MEI4: variants seen among roughly 807,000 people sequenced by gnomAD.
MEI4 encodes the protein meiosis-specific protein MEI4.
MEI4 carries 27 observed loss-of-function variants against 31.4 expected under a neutral mutation model. The ratio of observed to expected loss-of-function variants is 0.86; its 90% CI spans 0.63 to 1.19. The LOEUF is 1.19. MEI4 is among the 50% of genes most tolerant of loss of function. The pLI, the probability that MEI4 is intolerant of heterozygous loss-of-function variation, is 0.00. For synonymous variants in MEI4, 122 were observed against 145.4 expected (o/e 0.84, Z 1.16); for missense variants, 329 against 398.9 (o/e 0.82, Z 1.49).
chr6:77,694,833 G>A (rs1272781988), intron 2 of MEI4, among the ~76,000 whole-genome samples: 43 of 151,138 alleles, frequency 2.8e-4, no homozygotes, highest in African/African-American at 6.1e-4. Context: ...CTGAGGAATC[G>A]CCACACTGAC....
rs192023634 is a variant in MEI4, at chr6:77,774,062, G to T, written c.768+12397G>T. On this transcript the variant is annotated intron_variant, in intron 3 of 4. Transcript: ENST00000684080. ...AAAAAAAGACCCTTGTACACTGTTG[G>T]TGTAAATGTAAATTAGTACAACCAC... is the stretch of plus-strand genomic sequence containing the variant. Among the ~76,000 whole-genome samples the T allele has an allele frequency of 4.3e-3, 651 of 152,176 alleles. 1 individual carries two copies. The highest frequency in any genetic ancestry group is 5.8e-3 in the Non-Finnish European group (391 of 67,982).
intron 4 of MEI4, among the ~76,000 whole-genome samples, chr6:77,867,285 G>A (rs1283520121): frequency 6.6e-6 from 1 of 152,118 alleles, no homozygotes; most frequent in African/African-American, 2.4e-5. Flanking sequence ...GAGTGAACAG[G>A]CAACCTACAG....
At chr6:77,865,703 G>A (rs559870393) in intron 4 of MEI4, among the ~76,000 whole-genome samples, 3 of 152,276 alleles carry the variant, frequency 2.0e-5, no homozygotes, top group African/African-American at 7.2e-5. Context: ...AATAGAAAAA[G>A]AGGGAATCCT....
chr6:77,919,160 T>A (rs1441981994), intron 4 of MEI4, among the ~76,000 whole-genome samples: 7 of 151,978 alleles, frequency 4.6e-5, no homozygotes, highest in Non-Finnish European at 1.0e-4. Context: ...AATAGACATC[T>A]ACAGAACTCT....
intron 4 of MEI4, among the ~76,000 whole-genome samples, chr6:77,922,392 C>A (rs1011484027): frequency 6.6e-6 from 1 of 151,716 alleles, no homozygotes; most frequent in Non-Finnish European, 1.5e-5. Context: ...CTGCTCACCT[C>A]ATAGGGCTTC....
At chr6:77,876,326 T>C (rs1368316414) in intron 4 of MEI4, among the ~76,000 whole-genome samples, 1 of 152,198 alleles carries the variant, frequency 6.6e-6, no homozygotes, top group Non-Finnish European at 1.5e-5. Flanking sequence ...GGATTCATGC[T>C]GTTATGGCAG....
intron 4 of MEI4, among the ~76,000 whole-genome samples, chr6:77,859,128 TGTTTCTGTGTTA>T (rs1770808003): frequency 6.6e-6 from 1 of 152,176 alleles, no homozygotes; most frequent in African/African-American, 2.4e-5. Flanking sequence ...TTTGGTTTTC[TGTTTCTGTGTTA>T]GTTTGCTGAG....
intron 1 of MEI4, among the ~76,000 whole-genome samples, chr6:77,680,965 A>G (rs1244992522): frequency 6.6e-6 from 1 of 152,220 alleles, no homozygotes; most frequent in Non-Finnish European, 1.5e-5. Context: ...AGAAGGCTTT[A>G]CATAATAGAA....
chr6:77,656,545 A>G (rs906101755), intron 1 of MEI4, among the ~76,000 whole-genome samples: 2 of 152,164 alleles, frequency 1.3e-5, no homozygotes, highest in South Asian at 4.1e-4. Flanking sequence ...AGTAGATTAA[A>G]TGTTCCTAAG....
chr6:77,893,611 T>C (rs1766016735), intron 4 of MEI4, among the ~76,000 whole-genome samples: 1 of 152,248 alleles, frequency 6.6e-6, no homozygotes. Context: ...CTTAGCACTG[T>C]GCTTGACTTA....
chr6:77,900,930 T>A (rs1471633413), intron 4 of MEI4, among the ~76,000 whole-genome samples: 2 of 151,970 alleles, frequency 1.3e-5, no homozygotes, highest in African/African-American at 4.8e-5. Flanking sequence ...GTTCAACTTT[T>A]TTAGTATCTA....
intron 4 of MEI4, among the ~76,000 whole-genome samples, chr6:77,849,907 G>A (rs1770575190): frequency 6.6e-6 from 1 of 152,086 alleles, no homozygotes; most frequent in South Asian, 2.1e-4. Context: ...GTGGCATATT[G>A]GTTTTAAACC....
intron 3 of MEI4, among the ~76,000 whole-genome samples, chr6:77,800,016 T>G (rs944534572): frequency 5.9e-5 from 9 of 152,294 alleles, no homozygotes; most frequent in African/African-American, 2.2e-4. Context: ...AAGTAGTTTT[T>G]TCCAATTCTG....
At chr6:77,750,326 A>G (rs1767735516) in intron 2 of MEI4, among the ~76,000 whole-genome samples, 1 of 152,232 alleles carries the variant, frequency 6.6e-6, no homozygotes, top group Non-Finnish European at 1.5e-5. Context: ...ACAGACTGGC[A>G]AACTGGATAA....
chr6:77,856,843 G>A (rs1373663023), intron 4 of MEI4, among the ~76,000 whole-genome samples: 2 of 151,640 alleles, frequency 1.3e-5, no homozygotes, highest in East Asian at 3.9e-4. Flanking sequence ...TATACACTGA[G>A]CAAGGCACAC....
upstream of MEI4, among the ~76,000 whole-genome samples, chr6:77,650,635 G>A (rs539651777): frequency 3.3e-5 from 5 of 152,354 alleles, no homozygotes; most frequent in South Asian, 1.0e-3. Context: ...GCGAGGCCTG[G>A]CTTTCTGTGC....
At chr6:77,893,041 G>A (rs1258212064) in intron 4 of MEI4, among the ~76,000 whole-genome samples, 1 of 152,140 alleles carries the variant, frequency 6.6e-6, no homozygotes, top group Non-Finnish European at 1.5e-5. Flanking sequence ...AATGGAGAGT[G>A]CCTCCTGGCT....
At chr6:77,748,312 C>T (rs1029753416) in intron 2 of MEI4, among the ~76,000 whole-genome samples, 1 of 152,238 alleles carries the variant, frequency 6.6e-6, no homozygotes, top group African/African-American at 2.4e-5. Context: ...TTCCATACAT[C>T]CTCTGAAATC....
At chr6:77,750,934 G>A (rs1040539151) in intron 2 of MEI4, among the ~76,000 whole-genome samples, 1 of 151,902 alleles carries the variant, frequency 6.6e-6, no homozygotes, top group African/African-American at 2.4e-5. Context: ...TCAGACCACA[G>A]TGCAAATTAG....
Sources: gnomAD v4.1 joint callset for allele counts (sites outside exome capture counted in the v4.1 genomes callset) on GRCh38, gnomAD v4.1.1 for gene constraint, MANE v1.5 for transcripts, NCBI Gene and HGNC (gene_info 2026-07-23, HGNC 2026-07-21) for gene names.